Variants in ADAMTSL1 observed in about 807,000 individuals in gnomAD.
ADAMTSL1 encodes the protein ADAMTS-like protein 1.
A neutral mutation model predicts 201.8 loss-of-function variants in ADAMTSL1; 126 were observed. The observed-to-expected ratio is 0.62, with a 90% CI of 0.54 to 0.72. The LOEUF (loss-of-function observed/expected upper bound fraction) is 0.72, where lower values mean the gene tolerates loss of function less well. Ranked by LOEUF, ADAMTSL1 falls within the 30% of genes least tolerant of loss-of-function variation. ADAMTSL1 has a pLI of 0.00. For missense variants in ADAMTSL1, 2,679 were observed against 2,277.8 expected (o/e 1.18, Z -3.59); for synonymous variants, 1,121 against 903.4 (o/e 1.24, Z -4.32).
intron 2 of ADAMTSL1, among the ~76,000 whole-genome samples, chr9:18,402,518 G>C (rs1818023723): frequency 6.6e-6 from 1 of 151,828 alleles, no homozygotes; most frequent in African/African-American, 2.4e-5. Flanking sequence ...ATCTCTTCTT[G>C]TCCTTCCTCT....
chr9:18,324,447 T>C (rs1216314468), intron 2 of ADAMTSL1, among the ~76,000 whole-genome samples: 2 of 150,572 alleles, frequency 1.3e-5, no homozygotes, highest in African/African-American at 2.4e-5. Flanking sequence ...ACAAACAGTA[T>C]TAAACATAAA....
intron 10 of ADAMTSL1, among the ~76,000 whole-genome samples, chr9:18,679,208 G>A (rs1412788868): frequency 2.0e-5 from 3 of 152,124 alleles, no homozygotes; most frequent in African/African-American, 7.2e-5. Flanking sequence ...TGGTGTGCCT[G>A]TGCAACATTT....
At chr9:18,688,425 G>T (rs1026005726) in intron 13 of ADAMTSL1, among the ~76,000 whole-genome samples, 5 of 150,972 alleles carry the variant, frequency 3.3e-5, no homozygotes, top group African/African-American at 1.2e-4. Flanking sequence ...ACCACACCCA[G>T]CCGAATATAT....
At chr9:18,627,543 T>C (rs547745377) in intron 5 of ADAMTSL1, among the ~76,000 whole-genome samples, 2 of 152,298 alleles carry the variant, frequency 1.3e-5, no homozygotes, top group South Asian at 4.1e-4. Flanking sequence ...TCTGGAAGCA[T>C]TGAGGGAGTA....
intron 2 of ADAMTSL1, among the ~76,000 whole-genome samples, chr9:18,277,526 G>T (rs535253273): frequency 2.0e-5 from 3 of 152,094 alleles, no homozygotes; most frequent in Admixed American, 6.5e-5. Flanking sequence ...ATTATATAAT[G>T]ACCTTCTATG....
chr9:18,249,501 CA>C (rs2132483717), intron 2 of ADAMTSL1, among the ~76,000 whole-genome samples: 1 of 152,234 alleles, frequency 6.6e-6, no homozygotes, highest in East Asian at 1.9e-4. Flanking sequence ...TACTCATCCC[CA>C]GATATAACAA....
At chr9:18,403,437 G>T (rs554436198) in intron 2 of ADAMTSL1, among the ~76,000 whole-genome samples, 8 of 152,210 alleles carry the variant, frequency 5.3e-5, no homozygotes, top group African/African-American at 1.9e-4. Context: ...GCCTGTCTCA[G>T]CCTCCCTAAG....
intron 21 of ADAMTSL1, among the ~76,000 whole-genome samples, chr9:18,822,437 C>G (rs1250417703): frequency 6.6e-6 from 1 of 152,176 alleles, no homozygotes; most frequent in East Asian, 1.9e-4. Flanking sequence ...AGTAAAGCAG[C>G]AGTTCAGATT....
intron 2 of ADAMTSL1, among the ~76,000 whole-genome samples, chr9:18,440,652 T>G (rs1819956446): frequency 6.6e-6 from 1 of 151,542 alleles, no homozygotes; most frequent in African/African-American, 2.4e-5. Context: ...TACTTCTTTT[T>G]TATAAGTAGG....
chr9:18,727,299 A>G (rs1660406974), intron 15 of ADAMTSL1, among the ~76,000 whole-genome samples: 2 of 152,182 alleles, frequency 1.3e-5, no homozygotes, highest in Admixed American at 1.3e-4. Context: ...CTGTACTCCT[A>G]AATTTCCATA....
At chr9:18,236,803 A>G (rs1830868072) in intron 2 of ADAMTSL1, among the ~76,000 whole-genome samples, 2 of 152,232 alleles carry the variant, frequency 1.3e-5, no homozygotes, top group African/African-American at 4.8e-5. Context: ...TGCAATGCAA[A>G]CAATTGATAT....
chr9:18,895,876 A>G (rs1327791860), intron 26 of ADAMTSL1, among the ~76,000 whole-genome samples: 2 of 152,264 alleles, frequency 1.3e-5, no homozygotes, highest in Non-Finnish European at 2.9e-5. Flanking sequence ...GGAAGAAAAT[A>G]AACATAGGCA....
rs10963691 is a variant in ADAMTSL1, at chr9:18,636,288, C to T, written c.676+271C>T. On this transcript the variant is annotated intron_variant, in intron 6 of 28. Transcript: ENST00000380548. ...GGTTAAGCACATGTTTATGCTCTTGCGAGTGTTATATCTCATTCTCTTTCT... is the reference window on the plus strand; with the variant it reads ...GGTTAAGCACATGTTTATGCTCTTGTGAGTGTTATATCTCATTCTCTTTCT... Among the ~76,000 whole-genome samples, 18,710 of 152,026 alleles carry T rather than the reference C, an allele frequency of 0.12. 1,411 individuals are homozygous for T. Among genetic ancestry groups the T allele is most frequent in the African/African-American group, 0.2 (8,280 of 41,462 alleles).
At chr9:18,390,976 G>T (rs1421848364) in intron 2 of ADAMTSL1, among the ~76,000 whole-genome samples, 1 of 152,254 alleles carries the variant, frequency 6.6e-6, no homozygotes, top group East Asian at 1.9e-4. Context: ...TTAACTATAG[G>T]CTGGATGTTG....
At chr9:18,767,243 T>G (rs1820417831) in intron 16 of ADAMTSL1, among the ~76,000 whole-genome samples, 1 of 152,182 alleles carries the variant, frequency 6.6e-6, no homozygotes, top group African/African-American at 2.4e-5. Flanking sequence ...AAATTAAAAT[T>G]TTTGATTTAT....
chr9:18,249,714 G>A (rs925009834), intron 2 of ADAMTSL1, among the ~76,000 whole-genome samples: 4 of 152,218 alleles, frequency 2.6e-5, no homozygotes, highest in Admixed American at 1.3e-4. Flanking sequence ...AAAACCCTAC[G>A]GATACATAGG....
At chr9:18,707,889 T>C (rs537075712) in intron 14 of ADAMTSL1, among the ~76,000 whole-genome samples, 1 of 152,338 alleles carries the variant, frequency 6.6e-6, no homozygotes, top group Non-Finnish European at 1.5e-5. Flanking sequence ...GAGGAAGGCA[T>C]TGAAATCAAC....
intron 2 of ADAMTSL1, among the ~76,000 whole-genome samples, chr9:18,269,167 T>C (rs1416371915): frequency 6.6e-6 from 1 of 152,166 alleles, no homozygotes; most frequent in Non-Finnish European, 1.5e-5. Context: ...TATAAAGTAA[T>C]GTGATATATT....
At chr9:18,857,191 C>T (rs1161895282) in intron 23 of ADAMTSL1, among the ~76,000 whole-genome samples, 1 of 152,158 alleles carries the variant, frequency 6.6e-6, no homozygotes, top group Non-Finnish European at 1.5e-5. Context: ...AAGTGGAATA[C>T]AAAGAACTTT....
Sources: allele counts gnomAD v4.1 joint callset (sites outside exome capture counted in the v4.1 genomes callset), GRCh38; gene constraint gnomAD v4.1.1; transcripts MANE v1.5; gene names NCBI Gene and HGNC (gene_info 2026-07-23, HGNC 2026-07-21).